The following MTUS1 variants were observed in gnomAD, a reference collection of about 807,000 sequenced individuals.
MTUS1 encodes microtubule associated scaffold protein 1, also known as microtubule-associated tumor suppressor 1.
Under a neutral mutation model 120.8 loss-of-function variants are expected in MTUS1, and 109 were observed. The ratio of observed to expected loss-of-function variants is 0.90; its 90% CI spans 0.77 to 1.06. The LOEUF (loss-of-function observed/expected upper bound fraction) is 1.06, where lower values mean the gene tolerates loss of function less well. Ranked by LOEUF, MTUS1 falls within the 50% of genes least tolerant of loss-of-function variation. MTUS1 has a pLI of 0.00. For missense variants in MTUS1, 2,210 were observed against 1,486.3 expected (o/e 1.49, Z -8.01); for synonymous variants, 737 against 550.5 (o/e 1.34, Z -4.74).
intron 6 of MTUS1, among the ~76,000 whole-genome samples, chr8:17,691,657 A>G (rs1286774566): frequency 1.3e-5 from 2 of 151,986 alleles, no homozygotes; most frequent in Non-Finnish European, 2.9e-5. Flanking sequence ...TCTACATTCT[A>G]CAAATCCCTG....
At chr8:17,736,143 T>C (rs189687062) in intron 3 of MTUS1, among the ~76,000 whole-genome samples, 19 of 152,344 alleles carry the variant, frequency 1.2e-4, no homozygotes. Flanking sequence ...CTGTGACATA[T>C]TAAGCCTACT....
chr8:17,773,536 T>TA (rs2050172168), intron 1 of MTUS1, among the ~76,000 whole-genome samples: 1 of 152,148 alleles, frequency 6.6e-6, no homozygotes, highest in Non-Finnish European at 1.5e-5. Flanking sequence ...TCTGCAGGCT[T>TA]AGAGTCCAAG....
intron 1 of MTUS1, among the ~76,000 whole-genome samples, chr8:17,775,994 A>G (rs1014504269): frequency 1.3e-5 from 2 of 152,186 alleles, no homozygotes; most frequent in Non-Finnish European, 2.9e-5. Flanking sequence ...CTACCTCTTC[A>G]TGGAATATTC....
At chr8:17,697,291 T>C in intron 6 of MTUS1, 5 of 1,614,114 alleles carry the variant, frequency 3.1e-6, no homozygotes, top group Non-Finnish European at 4.2e-6. Flanking sequence ...TCCTAAACCC[T>C]GAAGGAAGTC....
chr8:17,692,414 G>A (rs12544256), intron 6 of MTUS1, among the ~76,000 whole-genome samples: 4 of 152,046 alleles, frequency 2.6e-5, no homozygotes, highest in African/African-American at 4.8e-5. Flanking sequence ...CAGAGATGAG[G>A]ATTCCTGACA....
chr8:17,670,590 G>A (rs1391753902), intron 8 of MTUS1, among the ~76,000 whole-genome samples: 3 of 152,138 alleles, frequency 2.0e-5, no homozygotes, highest in East Asian at 1.9e-4. Context: ...TTGGGAGGCC[G>A]AGACGGGCGG....
Position 17,676,966 on chromosome 8 carries a change from G to C in MTUS1, c.2839-1714C>G, listed in dbSNP as rs992193961. ...TTACTTTGTTCTCACCTCTCAGTAA[G>C]AGCTACGGAAGTCAAGTCTAAACGC... On this transcript the variant is annotated intron_variant, in intron 7 of 14. Transcript: ENST00000693296. Among the ~76,000 whole-genome samples the C allele has an allele frequency of 1.3e-5, 2 of 152,150 alleles. 1 individual carries two copies. Among genetic ancestry groups the C allele is most frequent in the Admixed American group, 1.3e-4 (2 of 15,282 alleles).
At chr8:17,769,232 C>CT (rs35061390) in intron 1 of MTUS1, among the ~76,000 whole-genome samples, 69,055 of 130,536 alleles carry the variant, frequency 0.53, 19,012 homozygotes, top group Non-Finnish European at 0.61. Flanking sequence ...GCTTTTATTC[C>CT]TTTTTTTTTT....
At chr8:17,661,189 A>C (rs1809613368) in intron 8 of MTUS1, among the ~76,000 whole-genome samples, 1 of 152,192 alleles carries the variant, frequency 6.6e-6, no homozygotes, top group Non-Finnish European at 1.5e-5. Flanking sequence ...CCTCGTGTGA[A>C]TCTCGTATTA....
intron 1 of MTUS1, among the ~76,000 whole-genome samples, chr8:17,766,721 G>A (rs1351978217): frequency 6.6e-6 from 1 of 152,132 alleles, no homozygotes; most frequent in Non-Finnish European, 1.5e-5. Context: ...TTATAACAGA[G>A]AATTGATTTT....
intron 7 of MTUS1, among the ~76,000 whole-genome samples, chr8:17,681,350 C>A (rs965351459): frequency 2.0e-5 from 3 of 152,136 alleles, no homozygotes; most frequent in Non-Finnish European, 4.4e-5. Flanking sequence ...GCAAGGACAG[C>A]AACCCAGTAA....
intron 3 of MTUS1, among the ~76,000 whole-genome samples, chr8:17,730,348 G>A (rs915192382): frequency 1.3e-5 from 2 of 152,108 alleles, no homozygotes; most frequent in Non-Finnish European, 2.9e-5. Context: ...ATCTGGGCAT[G>A]GTGGCGGGCA....
At chr8:17,760,361 T>G (rs988058162) in intron 1 of MTUS1, among the ~76,000 whole-genome samples, 1 of 151,870 alleles carries the variant, frequency 6.6e-6, no homozygotes, top group Admixed American at 6.6e-5. Flanking sequence ...TAGACAAGAG[T>G]AAAAAAATAG....
At chr8:17,744,314 C>T (rs748960825) in intron 2 of MTUS1, among the ~76,000 whole-genome samples, 4 of 152,012 alleles carry the variant, frequency 2.6e-5, no homozygotes, top group Middle Eastern at 3.4e-3. Flanking sequence ...CCTCTAAAGG[C>T]GGCCACGTAT....
chr8:17,717,632 T>C (rs1822595769), intron 4 of MTUS1, among the ~76,000 whole-genome samples: 1 of 152,194 alleles, frequency 6.6e-6, no homozygotes, highest in Non-Finnish European at 1.5e-5. Context: ...TGCTTTTCTT[T>C]TCTAAAATTT....
At position 17,755,050 on chromosome 8, in the gene MTUS1, C is replaced by A; in HGVS notation, c.758G>T (p.Ser253Ile). Residue 253 changes from serine to isoleucine, a missense_variant, in exon 2 of 15, where the codon AGT becomes ATT. Coordinates refer to ENST00000693296, the MANE Select transcript of MTUS1 (RefSeq NM_001363059.2). ...TCCAATATCTGAAACAAAAACCTCACTTTGCATCACCACATCAGAAAATGC... is the reference window on the plus strand; with the variant it reads ...TCCAATATCTGAAACAAAAACCTCAATTTGCATCACCACATCAGAAAATGC... ...YTAFSDVVMQ[S>I]EVFVSDIGNQ... 6.2e-7 allele frequency: 1 copy of A among 1,613,860 alleles called. No individual in the cohort carries two copies. The highest frequency in any genetic ancestry group is 1.3e-5 in the African/African-American group (1 of 75,052).
intron 1 of MTUS1, among the ~76,000 whole-genome samples, chr8:17,772,613 T>C (rs183973126): frequency 1.3e-5 from 2 of 152,328 alleles, no homozygotes; most frequent in African/African-American, 4.8e-5. Flanking sequence ...TCTAGTAGGT[T>C]GTTGCAAAGC....
chr8:17,721,121 G>A (rs553555576), intron 4 of MTUS1, among the ~76,000 whole-genome samples: 1 of 152,180 alleles, frequency 6.6e-6, no homozygotes, highest in East Asian at 1.9e-4. Flanking sequence ...GAAACAAGCA[G>A]ACAAAGCGAG....
At chr8:17,779,047 G>C (rs1322143703) in intron 1 of MTUS1, among the ~76,000 whole-genome samples, 1 of 152,152 alleles carries the variant, frequency 6.6e-6, no homozygotes, top group Non-Finnish European at 1.5e-5. Context: ...GGAAAGCATG[G>C]ATGCTCTGAT....
Sources: gnomAD v4.1 joint callset for allele counts (sites outside exome capture counted in the v4.1 genomes callset) on GRCh38, gnomAD v4.1.1 for gene constraint, MANE v1.5 for transcripts, NCBI Gene and HGNC (gene_info 2026-07-23, HGNC 2026-07-21) for gene names.